LRP1B: variants seen among roughly 807,000 people sequenced by gnomAD.
The protein encoded by LRP1B is low-density lipoprotein receptor-related protein 1B.
LRP1B carries 217 observed loss-of-function variants against 556.6 expected under a neutral mutation model. That is an observed-to-expected ratio of 0.39 (90% CI 0.35 to 0.44). The LOEUF (loss-of-function observed/expected upper bound fraction) is 0.44, where lower values mean the gene tolerates loss of function less well. Ranked by LOEUF, LRP1B falls within the 20% of genes least tolerant of loss-of-function variation. The pLI is 1.00. For synonymous variants in LRP1B, 2,047 were observed against 1,865.8 expected (o/e 1.10, Z -2.50); for missense variants, 5,053 against 5,620.8 (o/e 0.90, Z 3.23).
At chr2:140,245,765 C>A (rs1681133604) in intron 87 of LRP1B, among the ~76,000 whole-genome samples, 1 of 151,240 alleles carries the variant, frequency 6.6e-6, no homozygotes, top group Non-Finnish European at 1.5e-5. Context: ...TTAGGCAAGA[C>A]ACATTTTGCC....
At chr2:140,582,640 G>A (rs1369814920) in intron 43 of LRP1B, among the ~76,000 whole-genome samples, 1 of 152,098 alleles carries the variant, frequency 6.6e-6, no homozygotes, top group African/African-American at 2.4e-5. Context: ...CTTCTGTCAT[G>A]CGAGGATGCA....
At chr2:141,808,765 G>A (rs1049274045) in intron 2 of LRP1B, among the ~76,000 whole-genome samples, 2 of 151,916 alleles carry the variant, frequency 1.3e-5, no homozygotes, top group Non-Finnish European at 2.9e-5. Flanking sequence ...ACCCTACCTA[G>A]CCCCTGGCAA....
intron 66 of LRP1B, among the ~76,000 whole-genome samples, chr2:140,416,713 T>C (rs1685219588): frequency 6.6e-6 from 1 of 151,272 alleles, no homozygotes; most frequent in East Asian, 1.9e-4. Context: ...GCAGGCTTTA[T>C]AGTGGCAAGT....
chr2:140,568,234 AC>A (rs1476076470), intron 43 of LRP1B, among the ~76,000 whole-genome samples: 1 of 151,618 alleles, frequency 6.6e-6, no homozygotes, highest in Non-Finnish European at 1.5e-5. Flanking sequence ...AAACAATTCA[AC>A]AAAATCAGAG....
In LRP1B at chr2:141,084,708, G is replaced by A. The variant is rs1341281842; in HGVS notation, c.1014-22435C>T. Among the ~76,000 whole-genome samples the A allele has an allele frequency of 3.3e-5, 5 of 150,630 alleles. No individual in the cohort carries two copies. The East Asian group carries it at 9.9e-4, about 30-fold the overall frequency. ...TCTGTCCCCCAGACTGGAGTGCAGT[G>A]GTGCGATCTCGGCTCACTGCAAGCT... is the stretch of plus-strand genomic sequence containing the variant. On this transcript the variant is annotated intron_variant, in intron 7 of 90. Transcript: ENST00000389484.
intron 2 of LRP1B, among the ~76,000 whole-genome samples, chr2:141,722,130 C>A (rs1457962306): frequency 6.6e-5 from 10 of 152,156 alleles, no homozygotes; most frequent in Admixed American, 6.5e-4. Flanking sequence ...CTAATCTCAG[C>A]ACTTTGGTAG....
In LRP1B at chr2:140,850,219, C is replaced by G. The variant is rs781575951; in HGVS notation, c.4822G>C (p.Val1608Leu). 1.2e-6 allele frequency: 2 copies of G among 1,612,720 alleles called. No homozygotes were observed. The highest frequency in any genetic ancestry group is 1.7e-6 in the Non-Finnish European group (2 of 1,178,870). ...TAFTVPDIDD[V>L]TVIDFDASEE... ...GATGCATCGAAGTCTATCACAGTAA[C>G]GTCATCAATATCAGGGACTGTAAAT... Residue 1608 changes from valine (V) to leucine (L), a missense_variant, in exon 29 of 91, where the codon GTT (valine) becomes CTT (leucine). Physicochemically the swap from Val to Leu is conservative, Grantham distance 32 (BLOSUM62 1). Coordinates refer to ENST00000389484, the MANE Select transcript of LRP1B (RefSeq NM_018557.3).
At position 140,372,988 on chromosome 2, in the gene LRP1B, T is replaced by C. The variant is rs1325835127; in HGVS notation, c.10768+20A>G. ...AAGGTAAAATGTTAACTAAATGATA[T>C]ATTACTTCAATCCTTTTACCTGGCT... On this transcript the variant is annotated intron_variant, in intron 69 of 90. Coordinates refer to ENST00000389484, the MANE Select transcript of LRP1B (RefSeq NM_018557.3). 9 of 1,611,658 alleles carry C rather than the reference T, an allele frequency of 5.6e-6. No individual in the cohort carries two copies. Among genetic ancestry groups the C allele is most frequent in the Admixed American group, 1.7e-5 (1 of 59,876 alleles).
intron 1 of LRP1B, among the ~76,000 whole-genome samples, chr2:141,810,997 A>G (rs532575704): frequency 3.3e-5 from 5 of 151,634 alleles, no homozygotes; most frequent in Non-Finnish European, 2.9e-5. Context: ...GTAAACTTCC[A>G]TAAAGGTTTT....
intron 3 of LRP1B, among the ~76,000 whole-genome samples, chr2:141,343,465 A>C (rs1366240910): frequency 6.6e-6 from 1 of 152,122 alleles, no homozygotes; most frequent in East Asian, 1.9e-4. Flanking sequence ...AGATAATGTG[A>C]TTCACGCTTT....
chr2:141,638,236 G>A (rs1368156190), intron 2 of LRP1B, among the ~76,000 whole-genome samples: 1 of 151,962 alleles, frequency 6.6e-6, no homozygotes, highest in Non-Finnish European at 1.5e-5. Flanking sequence ...ACTCTGTGTG[G>A]CTCCCTCTCT....
Position 140,744,669 on chromosome 2 carries a change from T to A in LRP1B, c.5758+24544A>T, listed in dbSNP as rs76530556. ...TCAAGTATTTGCTACAATTCACTTC[T>A]TAGAGATGTTTTCTTGAACATGTGA... On this transcript the variant is annotated intron_variant, in intron 35 of 90. Coordinates refer to ENST00000389484, the MANE Select transcript of LRP1B (RefSeq NM_018557.3). Among the ~76,000 whole-genome samples, 145 of 152,350 alleles carry A rather than the reference T, an allele frequency of 9.5e-4. 1 individual carries two copies. In the East Asian group the frequency reaches 0.027, roughly 29 times the overall value.
intron 29 of LRP1B, among the ~76,000 whole-genome samples, chr2:140,848,285 TA>T (rs1230081525): frequency 3.3e-5 from 5 of 152,296 alleles, no homozygotes; most frequent in East Asian, 3.9e-4. Context: ...CCTGCCCTTG[TA>T]AAAAAATTCT....
chr2:140,384,783 T>C (rs1683685147), intron 67 of LRP1B, among the ~76,000 whole-genome samples: 1 of 152,192 alleles, frequency 6.6e-6, no homozygotes, highest in African/African-American at 2.4e-5. Context: ...AAATGAATGC[T>C]CTTAGTCCAA....
intron 68 of LRP1B, among the ~76,000 whole-genome samples, chr2:140,376,291 T>C (rs1046844608): frequency 7.2e-5 from 11 of 152,194 alleles, no homozygotes; most frequent in African/African-American, 2.2e-4. Flanking sequence ...GAAGTAGTAG[T>C]ATTTGATTTC....
At chr2:140,917,923 A>G (rs1694626521) in intron 21 of LRP1B, among the ~76,000 whole-genome samples, 1 of 152,138 alleles carries the variant, frequency 6.6e-6, no homozygotes, top group South Asian at 2.1e-4. Context: ...TTGACAGTAA[A>G]GAAAGCTGTG....
chr2:141,660,476 T>C (rs1014003829), intron 2 of LRP1B, among the ~76,000 whole-genome samples: 10 of 152,012 alleles, frequency 6.6e-5, no homozygotes, highest in African/African-American at 2.2e-4. Flanking sequence ...AGTCTGGCAG[T>C]TCCCCCCCGC....
chr2:140,338,862 TA>T, intron 77 of LRP1B, among the ~76,000 whole-genome samples: 1 of 151,564 alleles, frequency 6.6e-6, no homozygotes, highest in South Asian at 2.1e-4. Context: ...GAAGAAAATA[TA>T]AAAATTTCAC....
intron 1 of LRP1B, among the ~76,000 whole-genome samples, chr2:142,031,102 A>G (rs1164291604): frequency 6.6e-6 from 1 of 151,770 alleles, no homozygotes; most frequent in African/African-American, 2.4e-5. Context: ...GATTTTTACA[A>G]ATCTTCACAC....
Sources: allele counts gnomAD v4.1 joint callset (sites outside exome capture counted in the v4.1 genomes callset), GRCh38; gene constraint gnomAD v4.1.1; transcripts MANE v1.5; gene names NCBI Gene and HGNC (gene_info 2026-07-23, HGNC 2026-07-21).